MAMDC2: variants seen among roughly 807,000 people sequenced by gnomAD.
MAMDC2 encodes the protein MAM domain containing 2, also known as MAM domain-containing protein 2.
A neutral mutation model predicts 89.8 loss-of-function variants in MAMDC2; 57 were observed. The observed-to-expected ratio is 0.63, with a 90% CI of 0.51 to 0.79. The LOEUF is 0.79. Among genes scored for constraint, MAMDC2 ranks in the 30% least tolerant of loss-of-function variants. The pLI, the probability that MAMDC2 is intolerant of heterozygous loss-of-function variation, is 0.00. For synonymous variants in MAMDC2, 313 were observed against 293.4 expected (o/e 1.07, Z -0.68); for missense variants, 800 against 820.6 (o/e 0.97, Z 0.31).
chr9:70,180,743 G>A (rs2032629074), intron 11 of MAMDC2, among the ~76,000 whole-genome samples: 1 of 152,118 alleles, frequency 6.6e-6, no homozygotes, highest in Non-Finnish European at 1.5e-5. Flanking sequence ...TAAGTTCACT[G>A]TACATTCCAG....
chr9:70,188,141 T>C lies in MAMDC2; in HGVS notation c.1651+17510T>C, dbSNP rs957588561. 3.3e-5 allele frequency among the ~76,000 whole-genome samples: 5 copies of C among 152,208 alleles called. No homozygotes were observed. The South Asian group carries it at 1.0e-3, about 31-fold the overall frequency. ...TATTGTAGCCACTCCAGTTCTTTTT[T>C]GGGAACTGCATGAATGGTATATCAT... On this transcript the variant is annotated intron_variant, in intron 11 of 13. Transcript: ENST00000377182.
At chr9:70,062,865 A>G (rs1221798602) in intron 2 of MAMDC2, 1 of 152,240 alleles carries the variant, frequency 6.6e-6, no homozygotes, top group East Asian at 1.9e-4. Flanking sequence ...GGATTTTTTT[A>G]TTCATTCAAC....
At position 70,065,628 on chromosome 9, in the gene MAMDC2, G is replaced by A. The variant is rs572319023; in HGVS notation, c.148+20931G>A. The stretch of plus-strand genomic sequence containing the variant: ...TGGAGGCCCCTGAAAGTTAGAATAA[G>A]GCAGAAAAACCATGTAAAATTATGA... On this transcript the variant is annotated intron_variant, in intron 2 of 13. Transcript: ENST00000377182. 2.0e-5 allele frequency among the ~76,000 whole-genome samples: 3 copies of A among 150,836 alleles called. No individual in the cohort carries two copies. The East Asian group carries it at 5.8e-4, about 29-fold the overall frequency.
chr9:70,045,638 C>T (rs1826730832), intron 2 of MAMDC2, among the ~76,000 whole-genome samples: 1 of 152,176 alleles, frequency 6.6e-6, no homozygotes, highest in African/African-American at 2.4e-5. Flanking sequence ...GAGCCCGGAA[C>T]CCCTGGTTAG....
chr9:70,085,435 A>G (rs1379296475), intron 2 of MAMDC2, among the ~76,000 whole-genome samples: 1 of 152,028 alleles, frequency 6.6e-6, no homozygotes, highest in Non-Finnish European at 1.5e-5. Context: ...TTACCCAGGG[A>G]GCTATCCAAG....
chr9:70,053,128 A>G (rs775141908), intron 2 of MAMDC2, among the ~76,000 whole-genome samples: 2 of 152,204 alleles, frequency 1.3e-5, no homozygotes, highest in Non-Finnish European at 2.9e-5. Context: ...TTGATGGTTA[A>G]AAGCACATAA....
chr9:70,077,761 G>A (rs1254348094), intron 2 of MAMDC2, among the ~76,000 whole-genome samples: 1 of 152,106 alleles, frequency 6.6e-6, no homozygotes, highest in Non-Finnish European at 1.5e-5. Flanking sequence ...AGGCCATTTG[G>A]ACTTTCTTAT....
chr9:70,180,828 C>T (rs2032630563), intron 11 of MAMDC2, among the ~76,000 whole-genome samples: 1 of 152,144 alleles, frequency 6.6e-6, no homozygotes, highest in Admixed American at 6.5e-5. Flanking sequence ...ATGGCAGTTT[C>T]TTTTGCTGTG....
chr9:70,198,264 T>C (rs75278408), intron 11 of MAMDC2, among the ~76,000 whole-genome samples: 10,361 of 151,600 alleles, frequency 0.068, 569 homozygotes, highest in East Asian at 0.22. Context: ...ACAAACTACA[T>C]ATATACAGTT....
At chr9:70,053,680 T>A (rs1826964403) in intron 2 of MAMDC2, among the ~76,000 whole-genome samples, 1 of 152,182 alleles carries the variant, frequency 6.6e-6, no homozygotes, top group African/African-American at 2.4e-5. Context: ...GCAAGAGTAA[T>A]ACAGAGATGC....
chr9:70,159,013 G>GT (rs2031865523), intron 9 of MAMDC2, among the ~76,000 whole-genome samples: 1 of 148,522 alleles, frequency 6.7e-6, no homozygotes, highest in African/African-American at 2.5e-5. Flanking sequence ...GACTGTATAT[G>GT]TATATATATA....
chr9:70,055,077 A>C (rs1163749067), intron 2 of MAMDC2, among the ~76,000 whole-genome samples: 7 of 152,064 alleles, frequency 4.6e-5, no homozygotes, highest in Admixed American at 4.6e-4. Flanking sequence ...ACACAAAAAC[A>C]AGTCTTTTAT....
Position 70,226,234 on chromosome 9 carries a change from A to G in MAMDC2, c.*202A>G, listed in dbSNP as rs372213014. ...TTTGCATATGACAACTGTTACTAGAAATACAGGCTACTGGTTTTGCATAGA... is the reference window on the plus strand; with the variant it reads ...TTTGCATATGACAACTGTTACTAGAGATACAGGCTACTGGTTTTGCATAGA... On this transcript the variant is annotated 3_prime_UTR_variant, in exon 14 of 14. Transcript: ENST00000377182. 3.0e-5 allele frequency: 12 copies of G among 393,966 alleles called. No homozygotes were observed. The highest frequency in any genetic ancestry group is 2.1e-4 in the African/African-American group (10 of 47,640). 24.4% of individuals were successfully genotyped at this position (393,966 alleles called of 1,614,324 possible). A position where few individuals can be genotyped will look rare whatever the true frequency, so the allele number is the denominator to read the frequency against.
chr9:70,163,235 T>TC (rs2032045169), intron 9 of MAMDC2, among the ~76,000 whole-genome samples: 1 of 148,302 alleles, frequency 6.7e-6, no homozygotes. Flanking sequence ...CTTTCTTTTT[T>TC]TTTTTTTTTT....
intron 5 of MAMDC2, 130 bp from the exon 6 acceptor site, chr9:70,126,029 A>T: frequency 1.0e-6 from 1 of 984,044 alleles, no homozygotes; most frequent in Non-Finnish European, 1.5e-6. Flanking sequence ...TGTCAGCTGT[A>T]ACTCATCCAC....
intron 11 of MAMDC2, among the ~76,000 whole-genome samples, chr9:70,195,467 C>T (rs774554011): frequency 2.6e-5 from 4 of 152,042 alleles, no homozygotes; most frequent in Non-Finnish European, 5.9e-5. Context: ...TATCTGTGAT[C>T]TTGCTAAGGG....
intron 6 of MAMDC2, among the ~76,000 whole-genome samples, chr9:70,128,447 C>T (rs748039163): frequency 1.2e-3 from 179 of 152,266 alleles, no homozygotes; most frequent in Middle Eastern, 3.4e-3. Flanking sequence ...TAGGCTTCCC[C>T]GTGGATTTTG....
chr9:70,172,261 T>C (rs1028313374), intron 11 of MAMDC2: 13 of 152,222 alleles, frequency 8.5e-5, no homozygotes, highest in Admixed American at 5.2e-4. Context: ...TTTGGAAGGA[T>C]AAAGGAAGAA....
intron 11 of MAMDC2, among the ~76,000 whole-genome samples, chr9:70,176,064 T>G (rs2118555149): frequency 6.6e-6 from 1 of 152,292 alleles, no homozygotes; most frequent in East Asian, 1.9e-4. Context: ...CTCCCAGGAT[T>G]TAGGGCAATG....
Sources: gnomAD v4.1 joint callset for allele counts (sites outside exome capture counted in the v4.1 genomes callset) on GRCh38, gnomAD v4.1.1 for gene constraint, MANE v1.5 for transcripts, NCBI Gene and HGNC (gene_info 2026-07-23, HGNC 2026-07-21) for gene names.